Variants in FRMPD4 observed in about 807,000 individuals in gnomAD.
FRMPD4 encodes the protein FERM and PDZ domain containing 4.
FRMPD4 carries 22 observed loss-of-function variants against 94.1 expected under a neutral mutation model. That is an observed-to-expected ratio of 0.23 (90% confidence interval 0.17 to 0.33). The LOEUF is 0.33. Among genes scored for constraint, FRMPD4 ranks in the 10% least tolerant of loss-of-function variants. The pLI, the probability that FRMPD4 is intolerant of heterozygous loss-of-function variation, is 1.00. For synonymous variants in FRMPD4, 631 were observed against 548.6 expected (o/e 1.15, Z -2.10); for missense variants, 1,111 against 1,339.9 (o/e 0.83, Z 2.67).
intron 2 of FRMPD4, 136 bp from the exon 3 acceptor site, chrX:12,609,585 T>C: frequency 1.9e-6 from 1 of 516,889 alleles, no homozygotes; most frequent in Non-Finnish European, 3.1e-6. Context: ...GAAAGAAGCA[T>C]GACTATGGGT....
intron 3 of FRMPD4, among the ~76,000 whole-genome samples, chrX:11,914,433 A>T (rs61746274): frequency 9.2e-6 from 1 of 108,654 alleles, no homozygotes. Flanking sequence ...AGAAGGGACC[A>T]TGGCAATTGT....
intron 3 of FRMPD4, chrX:12,614,163 GCAA>G (rs762622933): frequency 8.9e-6 from 1 of 112,129 alleles, no homozygotes; most frequent in African/African-American, 3.3e-5. Flanking sequence ...GATCAATGGG[GCAA>G]CAGATGACAC....
intron 4 of FRMPD4, among the ~76,000 whole-genome samples, chrX:12,643,652 A>G (rs2059520665): frequency 8.9e-6 from 1 of 112,101 alleles, no homozygotes; most frequent in Non-Finnish European, 1.9e-5. Flanking sequence ...AGATTGAAAC[A>G]GGGAGAAATG....
chrX:11,831,100 C>T (rs924016365), intron 1 of FRMPD4, among the ~76,000 whole-genome samples: 2 of 109,734 alleles, frequency 1.8e-5, no homozygotes, highest in African/African-American at 6.6e-5. Context: ...ACTAGATGAT[C>T]AAAAACCGGT....
chrX:12,054,066 G>A (rs1275723496), intron 3 of FRMPD4, among the ~76,000 whole-genome samples: 1 of 111,811 alleles, frequency 8.9e-6, no homozygotes, highest in African/African-American at 3.3e-5. Context: ...CCTCTCGTAT[G>A]AGGGTTTCAT....
At chrX:11,914,571 G>A (rs2054014366) in intron 3 of FRMPD4, among the ~76,000 whole-genome samples, 1 of 111,576 alleles carries the variant, frequency 9.0e-6, no homozygotes, top group African/African-American at 3.3e-5. Flanking sequence ...AAAACCAACT[G>A]GTGTCCTGTT....
intron 3 of FRMPD4, among the ~76,000 whole-genome samples, chrX:12,613,514 A>G (rs187492009): frequency 8.9e-6 from 1 of 112,794 alleles, no homozygotes; most frequent in African/African-American, 3.2e-5. Flanking sequence ...TAAATGCTGA[A>G]CAAATATTAG....
At chrX:12,475,045 T>G (rs1263288169) in intron 1 of FRMPD4, among the ~76,000 whole-genome samples, 1 of 111,831 alleles carries the variant, frequency 8.9e-6, no homozygotes, top group Non-Finnish European at 1.9e-5. Flanking sequence ...CTGATGAACA[T>G]TGATGCAAAA....
At chrX:12,658,843 G>A (rs1273505827) in intron 4 of FRMPD4, among the ~76,000 whole-genome samples, 2 of 112,129 alleles carry the variant, frequency 1.8e-5, no homozygotes, top group Non-Finnish European at 3.8e-5. Context: ...TGCCTGCATT[G>A]CTGCCTTAGC....
intron 2 of FRMPD4, among the ~76,000 whole-genome samples, chrX:12,590,307 T>C (rs1210231153): frequency 1.8e-5 from 2 of 112,417 alleles, no homozygotes; most frequent in South Asian, 7.3e-4. Context: ...GAGTTTTGCC[T>C]TAAAAATATT....
At chrX:11,997,172 G>T (rs751437708) in intron 3 of FRMPD4, among the ~76,000 whole-genome samples, 19 of 111,096 alleles carry the variant, frequency 1.7e-4, no homozygotes, top group Non-Finnish European at 3.0e-4. Flanking sequence ...AAGCCCTGAA[G>T]ATTATGAGAT....
intron 3 of FRMPD4, among the ~76,000 whole-genome samples, chrX:11,903,690 C>T (rs1450638907): frequency 8.9e-6 from 1 of 112,307 alleles, no homozygotes; most frequent in Non-Finnish European, 1.9e-5. Context: ...CATTGTAGCC[C>T]TTCAGCTAGT....
At chrX:11,947,691 G>A (rs1336264126) in intron 3 of FRMPD4, among the ~76,000 whole-genome samples, 4 of 111,766 alleles carry the variant, frequency 3.6e-5, no homozygotes, top group Non-Finnish European at 7.5e-5. Context: ...GTGGAGATGA[G>A]GACTAACTGG....
At chrX:12,221,330 T>C (rs1161268060) in intron 1 of FRMPD4, among the ~76,000 whole-genome samples, 1 of 112,256 alleles carries the variant, frequency 8.9e-6, no homozygotes, top group Non-Finnish European at 1.9e-5. Context: ...ACTAATGCAA[T>C]ACTGCTTAGC....
chrX:11,985,427 G>C (rs774496070), intron 3 of FRMPD4, among the ~76,000 whole-genome samples: 1 of 112,377 alleles, frequency 8.9e-6, no homozygotes, highest in East Asian at 2.8e-4. Flanking sequence ...TGGGCCTTGG[G>C]TGAGATGCTG....
chrX:12,432,725 C>A (rs2057023433), intron 1 of FRMPD4, among the ~76,000 whole-genome samples: 1 of 112,059 alleles, frequency 8.9e-6, no homozygotes, highest in Non-Finnish European at 1.9e-5. Flanking sequence ...AAGCTATAAT[C>A]TTTCAATCAT....
At chrX:11,925,485 T>C (rs931139242) in intron 3 of FRMPD4, among the ~76,000 whole-genome samples, 6 of 112,205 alleles carry the variant, frequency 5.3e-5, no homozygotes, top group Non-Finnish European at 9.4e-5. Flanking sequence ...TACTCTAAAA[T>C]TGATCACACA....
chrX:12,159,130 C>T (rs1422887533), intron 1 of FRMPD4, among the ~76,000 whole-genome samples: 1 of 112,366 alleles, frequency 8.9e-6, no homozygotes, highest in African/African-American at 3.2e-5. Context: ...GTCTGCAATA[C>T]CAAAATCCCT....
chrX:12,383,049 C>G (rs997750591), intron 1 of FRMPD4, among the ~76,000 whole-genome samples: 1 of 111,672 alleles, frequency 9.0e-6, no homozygotes, highest in Non-Finnish European at 1.9e-5. Context: ...CTGCCCCAAA[C>G]AGGGGCAGCA....
Sources: allele counts gnomAD v4.1 joint callset (sites outside exome capture counted in the v4.1 genomes callset), GRCh38; gene constraint gnomAD v4.1.1; transcripts MANE v1.5; gene names NCBI Gene and HGNC (gene_info 2026-07-23, HGNC 2026-07-21).